The following CCDC198 variants were observed in gnomAD, a reference collection of about 807,000 sequenced individuals.
CCDC198 encodes coiled-coil domain containing 198.
Under a neutral mutation model 35.6 loss-of-function variants are expected in CCDC198, and 18 were observed. That is an observed-to-expected ratio of 0.51 (90% CI 0.35 to 0.75). CCDC198 has a LOEUF of 0.75. CCDC198 is among the 30% of genes least tolerant of loss of function. CCDC198 has a pLI of 0.01. For synonymous variants in CCDC198, 119 were observed against 113.4 expected (o/e 1.05, Z -0.31); for missense variants, 365 against 343.7 (o/e 1.06, Z -0.49).
chr14:57,490,996 CT>C lies in CCDC198; in HGVS notation c.298del (p.Arg100AspfsTer13). On this transcript the variant is annotated frameshift_variant, in exon 2 of 6. Transcript: ENST00000216445. LOFTEE classifies it high-confidence loss of function. ...TSIIKRHPPQ[R>X]LQKLEPIDLP... ...CTTTTAAATTCATCTTACTTGAAGT[CT>C]TTGGGGTGGATGCCTTTTAATAATA... 1 of 1,587,982 alleles carries C rather than the reference CT, an allele frequency of 6.3e-7. No homozygotes were observed. Among genetic ancestry groups the C allele is most frequent in the Non-Finnish European group, 8.6e-7 (1 of 1,156,678 alleles).
intron 5 of CCDC198, among the ~76,000 whole-genome samples, chr14:57,473,592 A>T (rs923947120): frequency 3.3e-5 from 5 of 151,940 alleles, no homozygotes; most frequent in African/African-American, 9.7e-5. Flanking sequence ...CCTGATCGTG[A>T]CCCCACTATC....
intron 4 of CCDC198, among the ~76,000 whole-genome samples, chr14:57,481,248 C>T (rs546627027): frequency 3.9e-5 from 6 of 152,268 alleles, no homozygotes; most frequent in Admixed American, 3.3e-4. Context: ...CCCCCTCCTC[C>T]TTTCACTAAA....
rs1343001534 is a variant in CCDC198, at chr14:57,470,156, A to G, written c.*1199T>C. On this transcript the variant is annotated 3_prime_UTR_variant, in exon 6 of 6. Coordinates refer to ENST00000216445, the MANE Select transcript of CCDC198 (RefSeq NM_018168.4). ...AAGTCTTAATTTTGAACTTTAATTCACAACGATCTTCTACACGTGACATTA... is the reference window on the plus strand; with the variant it reads ...AAGTCTTAATTTTGAACTTTAATTCGCAACGATCTTCTACACGTGACATTA... The G allele has an allele frequency of 1.3e-5, 2 of 152,222 alleles. No individual in the cohort carries two copies. The highest frequency in any genetic ancestry group is 2.9e-5 in the Non-Finnish European group (2 of 68,048). 9.4% of individuals were successfully genotyped at this position (152,222 alleles called of 1,614,324 possible).
Position 57,471,301 on chromosome 14 carries a change from G to T in CCDC198, c.*54C>A. 2 of 1,322,412 alleles carry T rather than the reference G, an allele frequency of 1.5e-6. No individual in the cohort carries two copies. Among genetic ancestry groups the T allele is most frequent in the South Asian group, 2.6e-5 (2 of 77,312 alleles). 81.9% of individuals were successfully genotyped at this position (1,322,412 alleles called of 1,614,324 possible). On this transcript the variant is annotated 3_prime_UTR_variant, in exon 6 of 6. Coordinates refer to ENST00000216445, the MANE Select transcript of CCDC198 (RefSeq NM_018168.4). ...TTCATATATCAGTTTGGAAGATTTT[G>T]AGAGTAAAACAAGCTTTCAAAGCAC... is the stretch of plus-strand genomic sequence containing the variant.
In CCDC198 at chr14:57,491,171, A is replaced by T. The variant is rs190360963; in HGVS notation, c.224-100T>A. On this transcript the variant is annotated intron_variant, in intron 1 of 5. Coordinates refer to ENST00000216445, the MANE Select transcript of CCDC198 (RefSeq NM_018168.4). ...CTAGACTTTGTCAACACAATTTTGTACCTTTTCAGTTATATATGTCTAACC... is the reference window on the plus strand; with the variant it reads ...CTAGACTTTGTCAACACAATTTTGTTCCTTTTCAGTTATATATGTCTAACC... The T allele has an allele frequency of 1.5e-4, 184 of 1,218,160 alleles. No individual in the cohort carries two copies. The African/African-American group carries it at 2.5e-3, about 17-fold the overall frequency. The allele number at this position is 1,218,160 out of a possible 1,614,324, so 75.5% of individuals were successfully genotyped here. A position where few individuals can be genotyped will look rare whatever the true frequency, so the allele number is the denominator to read the frequency against.
intron 2 of CCDC198, 95 bp downstream of exon 2, chr14:57,490,894 C>A: frequency 8.6e-7 from 1 of 1,168,494 alleles, no homozygotes. Flanking sequence ...TAGCTTGGTC[C>A]TTATCAATAT....
At position 57,471,263 on chromosome 14, in the gene CCDC198, G is replaced by T. The variant is rs1233314483; in HGVS notation, c.*92C>A. ...TTTCTTTTTACCAAAGTGATTTGCT[G>T]TCCTCAAAGTAATTCATATATCAGT... On this transcript the variant is annotated 3_prime_UTR_variant, in exon 6 of 6. Transcript: ENST00000216445. 1.2e-6 allele frequency: 1 copy of T among 868,194 alleles called. No individual in the cohort carries two copies. Among genetic ancestry groups the T allele is most frequent in the Non-Finnish European group, 1.8e-6 (1 of 557,740 alleles). 53.8% of individuals were successfully genotyped at this position (868,194 alleles called of 1,614,324 possible).
chr14:57,484,140 C>T (rs933042149), intron 2 of CCDC198, among the ~76,000 whole-genome samples: 1 of 152,142 alleles, frequency 6.6e-6, no homozygotes, highest in Non-Finnish European at 1.5e-5. Context: ...TGCCTCCCCA[C>T]AAAATTCATA....
At position 57,471,116 on chromosome 14, in the gene CCDC198, C is replaced by G; in HGVS notation, c.*239G>C. 1 of 408,556 alleles carries G rather than the reference C, an allele frequency of 2.4e-6. No homozygotes were observed. Among genetic ancestry groups the G allele is most frequent in the Non-Finnish European group, 4.4e-6 (1 of 228,458 alleles). The allele number at this position is 408,556 out of a possible 1,614,324, so 25.3% of individuals were successfully genotyped here. Reference sequence around the variant, plus strand: ...CCACCTAGCTGAACTCAGCAACCCACAGGAAAGTGAGACAATAAAATGGCT... The same window carrying G: ...CCACCTAGCTGAACTCAGCAACCCAGAGGAAAGTGAGACAATAAAATGGCT... On this transcript the variant is annotated 3_prime_UTR_variant, in exon 6 of 6. Transcript: ENST00000216445.
Position 57,471,834 on chromosome 14 carries a change from A to T in CCDC198, c.656-244T>A, listed in dbSNP as rs980940362. Reference sequence around the variant, plus strand: ...ATCTTCCAAAAGTCACAATAATACAACACACACCTATATACCCCATCCATC... The same window carrying T: ...ATCTTCCAAAAGTCACAATAATACATCACACACCTATATACCCCATCCATC... On this transcript the variant is annotated intron_variant, in intron 5 of 5. Transcript: ENST00000216445. Among the ~76,000 whole-genome samples the T allele has an allele frequency of 2.0e-5, 3 of 151,472 alleles. No homozygotes were observed. The South Asian group carries it at 6.2e-4, about 32-fold the overall frequency.
chr14:57,486,616 C>T (rs1232953254), intron 2 of CCDC198, among the ~76,000 whole-genome samples: 1 of 152,124 alleles, frequency 6.6e-6, no homozygotes, highest in African/African-American at 2.4e-5. Flanking sequence ...TTGACTTCCA[C>T]ATTGCCTTAA....
Position 57,493,510 on chromosome 14 carries a change from T to A in CCDC198, c.206A>T (p.Tyr69Phe), listed in dbSNP as rs2067647704. Residue 69 changes from tyrosine (Y) to phenylalanine (F), a missense_variant, in exon 1 of 6, where the codon TAT (tyrosine) becomes TTT (phenylalanine). Transcript: ENST00000216445. ...GQLPPLQENW[Y>F]GRYSTASRDM... The stretch of plus-strand genomic sequence containing the variant: ...ATGTTTACCTGTAGAATATCTTCCA[T>A]ACCAGTTTTCTTGTAAAGGTGGCAG... 6.2e-7 allele frequency: 1 copy of A among 1,613,678 alleles called. No individual in the cohort carries two copies. The highest frequency in any genetic ancestry group is 1.3e-5 in the African/African-American group (1 of 74,878).
At chr14:57,471,642 G>A in intron 5 of CCDC198, 52 bp from the exon 6 acceptor site, 1 of 990,788 alleles carries the variant, frequency 1.0e-6, no homozygotes, top group Non-Finnish European at 1.5e-6. Flanking sequence ...TGATTTATTT[G>A]TTTATTAAGT....
At chr14:57,474,038 C>G (rs922366526) in intron 5 of CCDC198, among the ~76,000 whole-genome samples, 1 of 152,210 alleles carries the variant, frequency 6.6e-6, no homozygotes, top group African/African-American at 2.4e-5. Flanking sequence ...TTAAATGTCC[C>G]TTCCTCATGG....
rs960425167 is a variant in CCDC198, at chr14:57,488,498, T to C, written c.306+2491A>G. Among the ~76,000 whole-genome samples the C allele has an allele frequency of 2.0e-5, 3 of 152,228 alleles. 1 individual carries two copies. Among genetic ancestry groups the C allele is most frequent in the Middle Eastern group, 6.8e-3 (2 of 294 alleles). ...GATGATGGGTCTCACTGTCATTCAT[T>C]TACTCATTCATTTTACTCACAAACC... On this transcript the variant is annotated intron_variant, in intron 2 of 5. Transcript: ENST00000216445.
At chr14:57,478,868 C>A in intron 5 of CCDC198, 7 of 1,147,876 alleles carry the variant, frequency 6.1e-6, no homozygotes, top group Non-Finnish European at 7.7e-6. Flanking sequence ...TTTCAGCAGG[C>A]AATTTTGCGT....
intron 2 of CCDC198, among the ~76,000 whole-genome samples, chr14:57,484,798 C>T (rs777372321): frequency 6.6e-6 from 1 of 152,076 alleles, no homozygotes; most frequent in Non-Finnish European, 1.5e-5. Context: ...CACTGACATG[C>T]GTTAAGCAAA....
intron 2 of CCDC198, among the ~76,000 whole-genome samples, chr14:57,483,787 AGTGATCAAGCAG>A (rs560236300): frequency 2.3e-4 from 35 of 152,312 alleles, no homozygotes; most frequent in Non-Finnish European, 4.3e-4. Context: ...ATCACTGAGA[AGTGATCAAGCAG>A]GTTTGGGAGA....
At chr14:57,490,869 G>T in intron 2 of CCDC198, 120 bp downstream of exon 2, 2 of 957,060 alleles carry the variant, frequency 2.1e-6, no homozygotes, top group African/African-American at 1.6e-5. Flanking sequence ...TTTTCTTTAA[G>T]AACATTCTCA....
Sources: gnomAD v4.1 joint callset for allele counts (sites outside exome capture counted in the v4.1 genomes callset) on GRCh38, gnomAD v4.1.1 for gene constraint, MANE v1.5 for transcripts, NCBI Gene and HGNC (gene_info 2026-07-23, HGNC 2026-07-21) for gene names.